Variants in SEMA7A observed in about 807,000 individuals in gnomAD.
The protein encoded by SEMA7A is semaphorin-7A.
A neutral mutation model predicts 67.5 loss-of-function variants in SEMA7A; 21 were observed. The ratio of observed to expected loss-of-function variants is 0.31; its 90% confidence interval spans 0.22 to 0.45. SEMA7A has a LOEUF of 0.45. Among genes scored for constraint, SEMA7A ranks in the 20% least tolerant of loss-of-function variants. The pLI, the probability that SEMA7A is intolerant of heterozygous loss-of-function variation, is 1.00. For synonymous variants in SEMA7A, 364 were observed against 368.5 expected, an observed-to-expected ratio of 0.99 and a Z score of 0.14; for missense variants, 774 against 908.6, an observed-to-expected ratio of 0.85 and a Z score of 1.90.
At chr15:74,429,325 C>A in intron 1 of SEMA7A, among the ~76,000 whole-genome samples, 1 of 152,212 alleles carries the variant, frequency 6.6e-6, no homozygotes. Flanking sequence ...GCTTCACATC[C>A]CACCTTGCTT....
chr15:74,426,886 C>G (rs28362883), intron 1 of SEMA7A, among the ~76,000 whole-genome samples: 13,645 of 152,212 alleles, frequency 0.09, 983 homozygotes, highest in African/African-American at 0.2. Flanking sequence ...CTCCACTCCT[C>G]AGCTCAAGGA....
chr15:74,433,276 G>A, intron 1 of SEMA7A, among the ~76,000 whole-genome samples: 1 of 151,604 alleles, frequency 6.6e-6, no homozygotes, highest in East Asian at 2.0e-4. Context: ...GGCGGCGGCG[G>A]CAAGGGGTCC....
intron 1 of SEMA7A, chr15:74,427,326 G>A: frequency 2.0e-6 from 2 of 985,384 alleles, no homozygotes; most frequent in African/African-American, 3.5e-5. Context: ...ACTGGGGCAG[G>A]CCAAACTCCC....
At chr15:74,422,935 GTGT>G (rs1490455104) in intron 1 of SEMA7A, among the ~76,000 whole-genome samples, 3 of 152,226 alleles carry the variant, frequency 2.0e-5, no homozygotes, top group Non-Finnish European at 4.4e-5. Flanking sequence ...AGAGTGGGAG[GTGT>G]TGTTGTCCAT....
In SEMA7A at chr15:74,414,810, C is replaced by T; in HGVS notation, c.1095+28G>A. 6.2e-7 allele frequency: 1 copy of T among 1,613,860 alleles called. No individual in the cohort carries two copies. The highest frequency in any genetic ancestry group is 8.5e-7 in the Non-Finnish European group (1 of 1,179,798). On this transcript the variant is annotated intron_variant, in intron 9 of 13. Coordinates refer to ENST00000261918, the MANE Select transcript of SEMA7A (RefSeq NM_003612.5). This position sits in a 1 kb window ranked among gnomAD's most constrained non-coding sequence, Gnocchi z 4.1. ...GAGGTGAGGCAGAAGGAGGGCTGGGCCTGGGCCACGGCTGGTGTCACGCTC... is the reference window on the plus strand; with the variant it reads ...GAGGTGAGGCAGAAGGAGGGCTGGGTCTGGGCCACGGCTGGTGTCACGCTC...
intron 1 of SEMA7A, among the ~76,000 whole-genome samples, chr15:74,421,549 C>T (rs28362896): frequency 1.6e-4 from 25 of 152,200 alleles, no homozygotes; most frequent in Non-Finnish European, 3.1e-4. Context: ...GGCCCTCCCA[C>T]CTCTGTTCTT....
At chr15:74,427,536 G>A (rs901298492) in intron 1 of SEMA7A, among the ~76,000 whole-genome samples, 1 of 152,038 alleles carries the variant, frequency 6.6e-6, no homozygotes, top group African/African-American at 2.4e-5. Flanking sequence ...TCACCATGTT[G>A]GCCAGGCTGG....
intron 1 of SEMA7A, among the ~76,000 whole-genome samples, chr15:74,432,805 G>T (rs936284384): frequency 1.2e-4 from 19 of 152,246 alleles, no homozygotes; most frequent in African/African-American, 2.6e-4. Flanking sequence ...GACTGGGGGC[G>T]GGGAGGCATT....
In SEMA7A at chr15:74,410,636, C is replaced by A. The variant is rs1178329959; in HGVS notation, c.1989G>T (p.Leu663Phe). Residue 663 changes from leucine to phenylalanine, a missense_variant, in exon 14 of 14, where the codon TTG (leucine) becomes TTT (phenylalanine). By Grantham distance (22) the Leu-to-Phe change is conservative (BLOSUM62 0). Coordinates refer to ENST00000261918, the MANE Select transcript of SEMA7A (RefSeq NM_003612.5). The surrounding 1 kb of genome is among the most constrained non-coding windows in gnomAD (Gnocchi z 7.5). ...LGVLPTLTLG[L>F]LVH is the part of the protein sequence containing the mutation. ...GCCTCGGGAGGCCCTAGTGGACCAG[C>A]AAGCCAAGAGTGAGTGTGGGCAGCA... is the stretch of plus-strand genomic sequence containing the variant. 1.9e-6 allele frequency: 3 copies of A among 1,588,246 alleles called. No individual in the cohort carries two copies. The East Asian group carries it at 6.7e-5, about 36-fold the overall frequency.
At chr15:74,420,871 T>G (rs1001263523) in intron 1 of SEMA7A, among the ~76,000 whole-genome samples, 1 of 152,120 alleles carries the variant, frequency 6.6e-6, no homozygotes, top group African/African-American at 2.4e-5. Context: ...CGTGTCTGCA[T>G]CTAGAGATGC....
At chr15:74,412,934 G>A (rs1169940559) in intron 10 of SEMA7A, among the ~76,000 whole-genome samples, 5 of 152,070 alleles carry the variant, frequency 3.3e-5, no homozygotes, top group Admixed American at 1.3e-4. Flanking sequence ...TGCTCTCTCC[G>A]TTCACAATTA....
rs1164036765 is a variant in SEMA7A, at chr15:74,414,544, C to T, written c.1294+3G>A. ...AACTGAGGGTCCCGGGGTAGCCTCT[C>T]ACCTGTAGTTAGGTAAAGCACATGA... On this transcript the variant is annotated splice_donor_region_variant and intron_variant, in intron 10 of 13. Transcript: ENST00000261918. This position sits in a 1 kb window ranked among gnomAD's most constrained non-coding sequence, Gnocchi z 4.1. 2 of 1,614,106 alleles carry T rather than the reference C, an allele frequency of 1.2e-6. No individual in the cohort carries two copies. The highest frequency in any genetic ancestry group is 1.1e-5 in the South Asian group (1 of 91,068).
rs774747640 is a variant in SEMA7A at position 74,414,512 on chromosome 15, C to A, written c.1294+35G>T. 6.3e-7 allele frequency: 1 copy of A among 1,599,920 alleles called. No individual in the cohort carries two copies. The highest frequency in any genetic ancestry group is 1.1e-5 in the South Asian group (1 of 90,654). ...CTTACACCTTTCATGCCCGTTTTTA[C>A]AAAGCAAACTGAGGGTCCCGGGGTA... On this transcript the variant is annotated intron_variant, in intron 10 of 13. Transcript: ENST00000261918. This position sits in a 1 kb window ranked among gnomAD's most constrained non-coding sequence, Gnocchi z 4.1.
intron 2 of SEMA7A, 65 bp downstream of exon 2, chr15:74,418,736 C>A (rs1230691271): frequency 6.4e-7 from 1 of 1,567,014 alleles, no homozygotes; most frequent in South Asian, 1.2e-5. Context: ...TCCCTGAGGA[C>A]CCTTGGCAGG....
At chr15:74,430,230 A>G (rs1223813870) in intron 1 of SEMA7A, among the ~76,000 whole-genome samples, 1 of 152,158 alleles carries the variant, frequency 6.6e-6, no homozygotes, top group Non-Finnish European at 1.5e-5. Flanking sequence ...CGAGAGAAAA[A>G]GATAGGAAAG....
At position 74,418,909 on chromosome 15, in the gene SEMA7A, C is replaced by A. The variant is rs141028242; in HGVS notation, c.222G>T (p.Pro74=). The A allele has an allele frequency of 1.2e-6, 2 of 1,613,814 alleles. No individual in the cohort carries two copies. The highest frequency in any genetic ancestry group is 3.3e-4 in the Middle Eastern group (2 of 6,062). Residue 74 remains proline, a synonymous_variant, in exon 2 of 14, where the codon CCG becomes CCT. Coordinates refer to ENST00000261918, the MANE Select transcript of SEMA7A (RefSeq NM_003612.5). ...CTGGCTCGTGGAAAAGCACCGTGTG[C>A]GGCTCAGTCTGGCCAAAGTCCACCC... is the stretch of plus-strand genomic sequence containing the variant. ...QDRVDFGQTE[P]HTVLFHEPGS...
chr15:74,425,327 C>T (rs998081061), intron 1 of SEMA7A, among the ~76,000 whole-genome samples: 3 of 152,234 alleles, frequency 2.0e-5, no homozygotes, highest in Admixed American at 6.5e-5. Context: ...TTATTATCCC[C>T]ATTTTGCAGA....
At chr15:74,432,268 G>A (rs2061094895) in intron 1 of SEMA7A, among the ~76,000 whole-genome samples, 1 of 152,176 alleles carries the variant, frequency 6.6e-6, no homozygotes, top group Admixed American at 6.5e-5. Context: ...AGGCAAAGCT[G>A]CTGGGAGGGC....
chr15:74,426,276 A>AAAC (rs992168073), intron 1 of SEMA7A, among the ~76,000 whole-genome samples: 1 of 151,910 alleles, frequency 6.6e-6, no homozygotes, highest in Non-Finnish European at 1.5e-5. Flanking sequence ...CTCCATCTCA[A>AAAC]AACAACAACA....
Sources: allele counts gnomAD v4.1 joint callset (sites outside exome capture counted in the v4.1 genomes callset), GRCh38; gene constraint gnomAD v4.1.1; non-coding constraint Gnocchi (gnomAD v3.1); transcripts MANE v1.5; gene names NCBI Gene and HGNC (gene_info 2026-07-23, HGNC 2026-07-21).